The following SLC38A8 variants were observed in gnomAD, a reference collection of about 807,000 sequenced individuals.
SLC38A8 encodes the protein amino acid transporter SLC38A8.
A neutral mutation model predicts 46.0 loss-of-function variants in SLC38A8; 65 were observed. That is an observed-to-expected ratio of 1.41 (90% CI 1.16 to 1.74). SLC38A8 has a LOEUF of 1.74. SLC38A8 is among the 40% of genes most tolerant of loss of function. SLC38A8 has a pLI of 0.00. For synonymous variants in SLC38A8, 447 were observed against 243.7 expected (o/e 1.83, Z -7.77); for missense variants, 998 against 567.9 (o/e 1.76, Z -7.70).
intron 7 of SLC38A8, 57 bp from the exon 8 acceptor site, chr16:84,017,344 C>T: frequency 1.3e-6 from 2 of 1,591,298 alleles, no homozygotes; most frequent in South Asian, 1.1e-5. Context: ...CTGCCCCCTC[C>T]CCCACCAACA....
At chr16:84,037,313 G>C (rs1479810500) in intron 2 of SLC38A8, among the ~76,000 whole-genome samples, 1 of 152,248 alleles carries the variant, frequency 6.6e-6, no homozygotes, top group Non-Finnish European at 1.5e-5. Flanking sequence ...TCTAACCACT[G>C]CTCACCTGCT....
At chr16:84,037,759 CG>C (rs748606725) in intron 2 of SLC38A8, among the ~76,000 whole-genome samples, 6 of 109,818 alleles carry the variant, frequency 5.5e-5, no homozygotes, top group African/African-American at 1.1e-4. Flanking sequence ...AGACTGCCTC[CG>C]AAAAAAAAAA....
chr16:84,016,983 G>A (rs1258264690), intron 8 of SLC38A8, among the ~76,000 whole-genome samples, 157 bp downstream of exon 8: 4 of 152,146 alleles, frequency 2.6e-5, no homozygotes, highest in Non-Finnish European at 5.9e-5. Context: ...AGTGACTTTG[G>A]GCAATCTACC....
At chr16:84,043,193 G>A (rs997996542), upstream of SLC38A8, among the ~76,000 whole-genome samples, 1 of 152,188 alleles carries the variant, frequency 6.6e-6, no homozygotes, top group Non-Finnish European at 1.5e-5. Flanking sequence ...CTTGTTGAAC[G>A]CTTGGGGGAG....
At chr16:84,016,802 C>A (rs1450203718) in intron 8 of SLC38A8, 75 bp from the exon 9 acceptor site, 14 of 1,465,544 alleles carry the variant, frequency 9.6e-6, no homozygotes, top group African/African-American at 2.8e-5. Context: ...GCTCCCCAGT[C>A]CTCCAGGAGT....
chr16:84,040,870 A>G (rs2085359600), intron 2 of SLC38A8, among the ~76,000 whole-genome samples: 1 of 152,250 alleles, frequency 6.6e-6, no homozygotes. Context: ...CCATGAGGAC[A>G]GGGACCACAC....
At chr16:84,036,951 AC>A in intron 2 of SLC38A8, 51 bp from the exon 3 acceptor site, 1 of 1,383,114 alleles carries the variant, frequency 7.2e-7, no homozygotes, top group Non-Finnish European at 9.5e-7. Context: ...CAGCCCACCC[AC>A]CCCCAGCCAG....
rs376247461 is a variant in SLC38A8, at chr16:84,037,806, A to ATTTTTTTT, written c.190-914_190-907dup. ...AAAACATCCCTCTATTTCAGCTTCA[A>ATTTTTTTT]TTTTTTTTTTTTTTTTTTTGGAGAC... On this transcript the variant is annotated intron_variant, in intron 2 of 10. Transcript: ENST00000299709. Among the ~76,000 whole-genome samples, 18 of 102,250 alleles carry ATTTTTTTT rather than the reference A, an allele frequency of 1.8e-4. 1 individual carries two copies. Among genetic ancestry groups the ATTTTTTTT allele is most frequent in the South Asian group, 6.7e-4 (2 of 3,004 alleles). The allele number at this position is 102,250 out of a possible 152,430, so 67.1% of individuals were successfully genotyped here.
At chr16:84,040,099 C>T (rs1427851865) in intron 2 of SLC38A8, 5 of 152,312 alleles carry the variant, frequency 3.3e-5, no homozygotes, top group Non-Finnish European at 7.3e-5. Flanking sequence ...CCTCTGCCCA[C>T]TGACTTCACA....
intron 5 of SLC38A8, 85 bp downstream of exon 5, chr16:84,031,782 A>G (rs1426935376): frequency 8.7e-7 from 1 of 1,152,094 alleles, no homozygotes; most frequent in Admixed American, 1.8e-5. Context: ...GAGCCACGAG[A>G]GGCTCCTCCT....
chr16:84,012,854 G>A (rs989305705), intron 10 of SLC38A8, 147 bp downstream of exon 10: 3 of 905,612 alleles, frequency 3.3e-6, no homozygotes, highest in Non-Finnish European at 5.1e-6. Context: ...CTCATACTGG[G>A]TAGACAGAGA....
chr16:84,035,796 G>T (rs1034054894), intron 3 of SLC38A8, among the ~76,000 whole-genome samples: 1 of 152,222 alleles, frequency 6.6e-6, no homozygotes, highest in Non-Finnish European at 1.5e-5. Flanking sequence ...CACGAACCAT[G>T]AAGCTTGACA....
chr16:84,033,603 A>G (rs868629757), intron 3 of SLC38A8, 134 bp from the exon 4 acceptor site: 8 of 1,013,682 alleles, frequency 7.9e-6, no homozygotes, highest in Admixed American at 6.2e-5. Flanking sequence ...GGATCAGACG[A>G]CAAGTGAGAT....
At chr16:84,042,991 C>T (rs1168878046), upstream of SLC38A8, among the ~76,000 whole-genome samples, 1 of 152,310 alleles carries the variant, frequency 6.6e-6, no homozygotes, top group Middle Eastern at 3.4e-3. Flanking sequence ...TCCATCCTCA[C>T]ATACCTCTCC....
intron 8 of SLC38A8, 47 bp downstream of exon 8, chr16:84,017,093 A>G (rs762473183): frequency 9.3e-6 from 15 of 1,609,186 alleles, no homozygotes; most frequent in Non-Finnish European, 1.2e-5. Context: ...CACAGCACAC[A>G]TCAGCAGACC....
At chr16:84,036,677 C>T (rs930840181) in intron 3 of SLC38A8, 25 bp downstream of exon 3, 3 of 1,613,410 alleles carry the variant, frequency 1.9e-6, no homozygotes, top group Non-Finnish European at 2.5e-6. Context: ...CCCTGGGCCA[C>T]CCCGAGTCCC....
intron 1 of SLC38A8, among the ~76,000 whole-genome samples, 189 bp from the exon 2 acceptor site, chr16:84,042,348 G>A (rs569206198): frequency 6.6e-5 from 10 of 151,666 alleles, no homozygotes; most frequent in Non-Finnish European, 1.0e-4. Flanking sequence ...GTCCCCCTTC[G>A]TCTCCCATTC....
chr16:84,022,109 T>C (rs2085102581), intron 7 of SLC38A8, among the ~76,000 whole-genome samples: 1 of 152,048 alleles, frequency 6.6e-6, no homozygotes, highest in African/African-American at 2.4e-5. Flanking sequence ...TCAACCTGAG[T>C]TTTTAAGAGG....
intron 6 of SLC38A8, among the ~76,000 whole-genome samples, chr16:84,028,546 G>C (rs117522024): frequency 0.011 from 1,574 of 145,266 alleles, 22 homozygotes; most frequent in Middle Eastern, 0.042. Context: ...TGGGCAATAA[G>C]AATGAGACTC....
Sources: allele counts gnomAD v4.1 joint callset (sites outside exome capture counted in the v4.1 genomes callset), GRCh38; gene constraint gnomAD v4.1.1; transcripts MANE v1.5; gene names NCBI Gene and HGNC (gene_info 2026-07-23, HGNC 2026-07-21).